Variants in MSRA observed in about 807,000 individuals in gnomAD.
MSRA encodes mitochondrial peptide methionine sulfoxide reductase.
Under a neutral mutation model 31.3 loss-of-function variants are expected in MSRA, and 54 were observed. That is an observed-to-expected ratio of 1.73 (90% CI 1.39 to 2.17). The LOEUF (loss-of-function observed/expected upper bound fraction) is 2.17. Among genes scored for constraint, MSRA ranks in the 30% most tolerant of loss-of-function variants. The pLI is 0.00. For synonymous variants in MSRA, 169 were observed against 116.5 expected, an observed-to-expected ratio of 1.45 and a Z score of -2.90; for missense variants, 507 against 300.9, an observed-to-expected ratio of 1.69 and a Z score of -5.07.
At chr8:10,086,953 G>T (rs1251349094) in intron 1 of MSRA, among the ~76,000 whole-genome samples, 1 of 151,910 alleles carries the variant, frequency 6.6e-6, no homozygotes, top group African/African-American at 2.4e-5. Context: ...ATATAATTTG[G>T]GTTGGCCTTA....
At chr8:10,241,807 A>T (rs914209824) in intron 2 of MSRA, among the ~76,000 whole-genome samples, 2 of 152,208 alleles carry the variant, frequency 1.3e-5, no homozygotes, top group Admixed American at 6.5e-5. Flanking sequence ...TCTGGATCCA[A>T]TTGTCAACTT....
In MSRA at chr8:10,244,779, A is replaced by T. The variant is rs538383533; in HGVS notation, c.212-325A>T. Among the ~76,000 whole-genome samples, 13 of 152,290 alleles carry T rather than the reference A, an allele frequency of 8.5e-5. No individual in the cohort carries two copies. In the South Asian group the frequency reaches 2.3e-3, roughly 27 times the overall value. On this transcript the variant is annotated intron_variant, in intron 2 of 5. Transcript: ENST00000317173. ...AATTTTCTATTGATTCAAGTTATGA[A>T]TTGGATGTGGAAATATGAAAATAGT...
At chr8:10,215,504 G>A (rs971852715) in intron 2 of MSRA, among the ~76,000 whole-genome samples, 2 of 152,180 alleles carry the variant, frequency 1.3e-5, no homozygotes, top group African/African-American at 2.4e-5. Context: ...GTCCCCGGGA[G>A]AGTGACGCCA....
chr8:10,405,101 T>C (rs560370560), intron 5 of MSRA, among the ~76,000 whole-genome samples: 1 of 152,260 alleles, frequency 6.6e-6, no homozygotes, highest in East Asian at 1.9e-4. Context: ...CCAGTGTCCA[T>C]GAGAGCCCAA....
chr8:10,178,705 T>G (rs1806278600), intron 1 of MSRA, among the ~76,000 whole-genome samples: 1 of 152,230 alleles, frequency 6.6e-6, no homozygotes, highest in African/African-American at 2.4e-5. Flanking sequence ...AAATTCAAAG[T>G]AACCCAGGTT....
intron 1 of MSRA, among the ~76,000 whole-genome samples, chr8:10,143,164 C>T (rs1241930445): frequency 2.6e-5 from 4 of 151,876 alleles, no homozygotes; most frequent in African/African-American, 7.3e-5. Flanking sequence ...TTGTCCTCTT[C>T]TTTCACGGGG....
chr8:10,420,534 G>A (rs1808744502), intron 5 of MSRA, among the ~76,000 whole-genome samples: 1 of 152,062 alleles, frequency 6.6e-6, no homozygotes, highest in South Asian at 2.1e-4. Context: ...GTCTTAGGTG[G>A]CCTTTCCTTC....
At chr8:10,332,927 C>G (rs1184978312) in intron 5 of MSRA, among the ~76,000 whole-genome samples, 1 of 152,198 alleles carries the variant, frequency 6.6e-6, no homozygotes, top group Non-Finnish European at 1.5e-5. Context: ...GCTGCAGTGG[C>G]AGGATATGAG....
intron 5 of MSRA, among the ~76,000 whole-genome samples, chr8:10,390,649 G>C (rs974470137): frequency 6.6e-6 from 1 of 152,168 alleles, no homozygotes; most frequent in South Asian, 2.1e-4. Flanking sequence ...AGTAAAAAGA[G>C]ACTTTGCACT....
intron 5 of MSRA, among the ~76,000 whole-genome samples, chr8:10,421,008 C>T (rs548504434): frequency 1.1e-4 from 16 of 152,016 alleles, no homozygotes; most frequent in Admixed American, 9.2e-4. Context: ...AAAAACAAAC[C>T]ACCACCAAAA....
intron 1 of MSRA, among the ~76,000 whole-genome samples, chr8:10,200,938 G>A (rs1189476800): frequency 6.6e-6 from 1 of 152,166 alleles, no homozygotes. Flanking sequence ...CTCAGTCAGT[G>A]TCCTTGAGGG....
intron 1 of MSRA, among the ~76,000 whole-genome samples, chr8:10,150,167 G>A (rs189377217): frequency 6.6e-6 from 1 of 152,064 alleles, no homozygotes; most frequent in African/African-American, 2.4e-5. Flanking sequence ...TGAGGGAAAA[G>A]TACAGTGCCT....
intron 1 of MSRA, among the ~76,000 whole-genome samples, chr8:10,079,979 G>T (rs1461952659): frequency 1.3e-5 from 2 of 152,176 alleles, no homozygotes; most frequent in South Asian, 2.1e-4. Flanking sequence ...GTGCTTTCTT[G>T]TGTTACGCTT....
chr8:10,086,027 G>C (rs1585116335), intron 1 of MSRA, among the ~76,000 whole-genome samples: 1 of 152,134 alleles, frequency 6.6e-6, no homozygotes, highest in East Asian at 1.9e-4. Flanking sequence ...TGAATGTACA[G>C]GTCTTTTTGT....
At chr8:10,286,960 G>A (rs571087464) in intron 3 of MSRA, among the ~76,000 whole-genome samples, 6 of 152,320 alleles carry the variant, frequency 3.9e-5, no homozygotes, top group East Asian at 1.9e-4. Context: ...CAAGGAAGTC[G>A]AGACTCAGAG....
At chr8:10,113,307 TTTTTTTTG>T (rs796630377) in intron 1 of MSRA, among the ~76,000 whole-genome samples, 7,279 of 127,982 alleles carry the variant, frequency 0.057, 1,009 homozygotes, top group African/African-American at 0.2. Flanking sequence ...TTTTTTTTTT[TTTTTTTTG>T]GAGGTGTGTG....
chr8:10,239,582 C>A (rs1563256587), intron 2 of MSRA, among the ~76,000 whole-genome samples: 3 of 152,354 alleles, frequency 2.0e-5, no homozygotes, highest in South Asian at 4.1e-4. Context: ...TTGTACCTGG[C>A]AAACTCCTTT....
chr8:10,113,289 C>CTTTTTTGTTTTTTTTTTTTTTTTTTTT (rs1467440154), intron 1 of MSRA, among the ~76,000 whole-genome samples: 2 of 50,898 alleles, frequency 3.9e-5, no homozygotes, highest in Non-Finnish European at 3.2e-5. Context: ...GAAGACAGGT[C>CTTTTTTGTTTTTTTTTTTTTTTTTTTT]TTCTTTTTTT....
intron 3 of MSRA, among the ~76,000 whole-genome samples, chr8:10,292,046 G>A (rs1458224898): frequency 6.6e-6 from 1 of 152,190 alleles, no homozygotes; most frequent in East Asian, 1.9e-4. Flanking sequence ...AATGGTGCTG[G>A]CCCATACAGT....
Sources: allele counts gnomAD v4.1 joint callset (sites outside exome capture counted in the v4.1 genomes callset), GRCh38; gene constraint gnomAD v4.1.1; transcripts MANE v1.5; gene names NCBI Gene and HGNC (gene_info 2026-07-23, HGNC 2026-07-21).